The following KCNH8 variants were observed in gnomAD, a reference collection of about 807,000 sequenced individuals.
KCNH8 encodes the protein voltage-gated delayed rectifier potassium channel KCNH8.
A neutral mutation model predicts 103.6 loss-of-function variants in KCNH8; 70 were observed. That is an observed-to-expected ratio of 0.68 (90% CI 0.56 to 0.82). KCNH8 has a LOEUF of 0.82. Ranked by LOEUF, KCNH8 falls within the 40% of genes least tolerant of loss-of-function variation. The pLI, the probability that KCNH8 is intolerant of heterozygous loss-of-function variation, is 0.00. For missense variants in KCNH8, 1,217 were observed against 1,329.9 expected, an observed-to-expected ratio of 0.92 and a Z score of 1.32; for synonymous variants, 498 against 489.4, an observed-to-expected ratio of 1.02 and a Z score of -0.23.
chr3:19,408,647 G>A (rs2125145575), intron 7 of KCNH8, among the ~76,000 whole-genome samples: 1 of 152,140 alleles, frequency 6.6e-6, no homozygotes, highest in South Asian at 2.1e-4. Flanking sequence ...TGAAGGAAGA[G>A]ATAAATGCCC....
In KCNH8 at chr3:19,534,562, T is replaced by A. The variant is rs2069234516; in HGVS notation, c.*463T>A. On this transcript the variant is annotated 3_prime_UTR_variant, in exon 16 of 16. Transcript: ENST00000328405. The stretch of plus-strand genomic sequence containing the variant: ...CTTTTTGTGAAGGCAAAGGGACAAT[T>A]ATCACTGCATGTCATCTCCTAGACA... The A allele has an allele frequency of 6.3e-6, 1 of 158,586 alleles. No homozygotes were observed. The highest frequency in any genetic ancestry group is 1.9e-4 in the South Asian group (1 of 5,152). The allele number at this position is 158,586 out of a possible 1,614,324, so 9.8% of individuals were successfully genotyped here. A position where few individuals can be genotyped will look rare whatever the true frequency, so the allele number is the denominator to read the frequency against.
intron 1 of KCNH8, among the ~76,000 whole-genome samples, chr3:19,169,290 G>A (rs1424999505): frequency 1.0e-4 from 13 of 129,724 alleles, no homozygotes; most frequent in Admixed American, 2.8e-4. Flanking sequence ...ACGGAGTCTC[G>A]CTCTTTCGCC....
chr3:19,347,919 G>A lies in KCNH8; in HGVS notation c.765G>A (p.Arg255=), dbSNP rs1260383339. 2 of 1,613,052 alleles carry A rather than the reference G, an allele frequency of 1.2e-6. No homozygotes were observed. Among genetic ancestry groups the A allele is most frequent in the Admixed American group, 3.3e-5 (2 of 59,898 alleles). Reference sequence around the variant, plus strand: ...GCAATGACGACCTGTCCACAACTCGGAGCACAACCGTCAGTGACATTGCAG... The same window carrying A: ...GCAATGACGACCTGTCCACAACTCGAAGCACAACCGTCAGTGACATTGCAG... ...FIGNDDLSTT[R]STTVSDIAVE... is the part of the protein sequence containing the mutation. Residue 255 remains arginine (R), a synonymous_variant, in exon 5 of 16, where the codon CGG becomes CGA. Coordinates refer to ENST00000328405, the MANE Select transcript of KCNH8 (RefSeq NM_144633.3).
At chr3:19,225,484 T>G (rs923311560) in intron 1 of KCNH8, among the ~76,000 whole-genome samples, 26 of 152,110 alleles carry the variant, frequency 1.7e-4, no homozygotes, top group African/African-American at 6.3e-4. Flanking sequence ...AATATGTTGA[T>G]ATAGGCCTAG....
intron 2 of KCNH8, among the ~76,000 whole-genome samples, chr3:19,262,449 T>C (rs1438296290): frequency 1.3e-5 from 2 of 152,024 alleles, no homozygotes; most frequent in Non-Finnish European, 2.9e-5. Context: ...GAATTGGAAC[T>C]CAAAATAGGA....
intron 3 of KCNH8, among the ~76,000 whole-genome samples, chr3:19,298,511 AT>A (rs2065023294): frequency 6.6e-6 from 1 of 152,212 alleles, no homozygotes; most frequent in South Asian, 2.1e-4. Flanking sequence ...AAAGAAATCA[AT>A]TGTGAAAGTA....
At chr3:19,305,430 G>A (rs1050103648) in intron 3 of KCNH8, among the ~76,000 whole-genome samples, 22 of 152,076 alleles carry the variant, frequency 1.4e-4, no homozygotes, top group African/African-American at 5.1e-4. Context: ...CAGAATTCAA[G>A]ACAGTACTAT....
intron 3 of KCNH8, among the ~76,000 whole-genome samples, chr3:19,322,285 T>G (rs1306646435): frequency 5.3e-5 from 8 of 152,180 alleles, no homozygotes; most frequent in Non-Finnish European, 5.9e-5. Flanking sequence ...ATAGGTCCTG[T>G]GAGATTTATG....
intron 5 of KCNH8, among the ~76,000 whole-genome samples, chr3:19,387,047 A>AAT (rs1559302506): frequency 2.0e-5 from 3 of 152,120 alleles, no homozygotes; most frequent in Admixed American, 1.3e-4. Context: ...ATAAACATTG[A>AAT]GTTATCCTGG....
At chr3:19,406,708 A>C (rs1489890216) in intron 7 of KCNH8, among the ~76,000 whole-genome samples, 1 of 152,140 alleles carries the variant, frequency 6.6e-6, no homozygotes, top group Non-Finnish European at 1.5e-5. Flanking sequence ...CCATAGATGC[A>C]CAGGATGTTA....
At chr3:19,422,582 A>C (rs1286375690) in intron 7 of KCNH8, among the ~76,000 whole-genome samples, 2 of 152,136 alleles carry the variant, frequency 1.3e-5, no homozygotes, top group African/African-American at 4.8e-5. Flanking sequence ...TGGGGGCTGC[A>C]GTTCAAACCA....
chr3:19,265,622 T>G (rs2064499624), intron 2 of KCNH8, among the ~76,000 whole-genome samples: 1 of 151,976 alleles, frequency 6.6e-6, no homozygotes, highest in Non-Finnish European at 1.5e-5. Context: ...GTGGGCTGGT[T>G]TCTAGTTTTC....
intron 2 of KCNH8, among the ~76,000 whole-genome samples, chr3:19,256,387 TAAAAC>T (rs2064346472): frequency 6.6e-6 from 1 of 152,144 alleles, no homozygotes; most frequent in South Asian, 2.1e-4. Context: ...GCAAATATGA[TAAAAC>T]AAAAGGATTC....
At chr3:19,381,018 C>T (rs1186294469) in intron 5 of KCNH8, among the ~76,000 whole-genome samples, 1 of 152,126 alleles carries the variant, frequency 6.6e-6, no homozygotes, top group Non-Finnish European at 1.5e-5. Flanking sequence ...ACATTTTCTT[C>T]TATTTCACTT....
chr3:19,216,935 AGAG>A (rs1238319863), intron 1 of KCNH8, among the ~76,000 whole-genome samples: 4 of 152,210 alleles, frequency 2.6e-5, no homozygotes, highest in Admixed American at 6.5e-5. Context: ...GAGCAATATG[AGAG>A]CAGGACTTTG....
intron 7 of KCNH8, among the ~76,000 whole-genome samples, chr3:19,403,910 T>C (rs1011217313): frequency 6.6e-5 from 10 of 151,862 alleles, no homozygotes; most frequent in African/African-American, 2.2e-4. Flanking sequence ...CTGTGTAGTA[T>C]GTTTTACATT....
intron 3 of KCNH8, among the ~76,000 whole-genome samples, chr3:19,308,464 T>C (rs2125294794): frequency 6.6e-6 from 1 of 152,032 alleles, no homozygotes; most frequent in East Asian, 1.9e-4. Flanking sequence ...TTTCAAGGTT[T>C]GTCCATTCAA....
At chr3:19,415,187 G>A (rs988497956) in intron 7 of KCNH8, among the ~76,000 whole-genome samples, 2 of 151,820 alleles carry the variant, frequency 1.3e-5, no homozygotes, top group African/African-American at 4.8e-5. Context: ...CATACATGAA[G>A]CTTCCTCAGT....
intron 3 of KCNH8, among the ~76,000 whole-genome samples, chr3:19,336,221 T>G (rs889432096): frequency 1.2e-4 from 18 of 151,766 alleles, no homozygotes; most frequent in Admixed American, 9.9e-4. Context: ...TCCATTGAGT[T>G]TGGATATCAA....
Sources: allele counts gnomAD v4.1 joint callset (sites outside exome capture counted in the v4.1 genomes callset), GRCh38; gene constraint gnomAD v4.1.1; transcripts MANE v1.5; gene names NCBI Gene and HGNC (gene_info 2026-07-23, HGNC 2026-07-21).